SPAG16: variants seen among roughly 807,000 people sequenced by gnomAD.
The protein encoded by SPAG16 is sperm associated antigen 16, also known as sperm-associated antigen 16 protein.
A neutral mutation model predicts 80.4 loss-of-function variants in SPAG16; 86 were observed. The observed-to-expected ratio is 1.07, with a 90% CI of 0.90 to 1.28. The LOEUF is 1.28. SPAG16 is among the 50% of genes most tolerant of loss of function. The pLI, the probability that SPAG16 is intolerant of heterozygous loss-of-function variation, is 0.00. For missense variants in SPAG16, 870 were observed against 765.3 expected, an observed-to-expected ratio of 1.14 and a Z score of -1.61; for synonymous variants, 294 against 265.9, an observed-to-expected ratio of 1.11 and a Z score of -1.03.
At chr2:213,916,951 A>G (rs1179110772) in intron 11 of SPAG16, among the ~76,000 whole-genome samples, 1 of 152,108 alleles carries the variant, frequency 6.6e-6, no homozygotes, top group Non-Finnish European at 1.5e-5. Flanking sequence ...CCTTTAATCC[A>G]CCTTGAGTTT....
At chr2:213,976,135 T>TATATATATATATACACAC (rs749957411) in intron 12 of SPAG16, among the ~76,000 whole-genome samples, 7 of 81,406 alleles carry the variant, frequency 8.6e-5, no homozygotes, top group Non-Finnish European at 1.9e-4. Context: ...TATATATATA[T>TATATATATATATACACAC]ACACACACAC....
chr2:213,934,037 T>C (rs1287393293), intron 12 of SPAG16, among the ~76,000 whole-genome samples: 1 of 151,978 alleles, frequency 6.6e-6, no homozygotes. Flanking sequence ...ATAGCACCAA[T>C]CTCAATATGG....
At chr2:214,350,472 C>CA (rs1284590417) in intron 15 of SPAG16, among the ~76,000 whole-genome samples, 3 of 152,140 alleles carry the variant, frequency 2.0e-5, no homozygotes, top group Non-Finnish European at 4.4e-5. Context: ...TTTAAAGAAC[C>CA]ATCTTGAGTA....
intron 15 of SPAG16, among the ~76,000 whole-genome samples, chr2:214,366,484 T>G (rs2126079957): frequency 6.6e-6 from 1 of 152,298 alleles, no homozygotes. Context: ...CAGTGTAAAG[T>G]GATGGTTTAA....
chr2:213,914,264 C>T (rs1273369531), intron 11 of SPAG16, among the ~76,000 whole-genome samples: 2 of 151,922 alleles, frequency 1.3e-5, no homozygotes, highest in African/African-American at 4.8e-5. Flanking sequence ...GTTAACTAAA[C>T]ATTTTAATGC....
chr2:214,069,759 A>G (rs978339991), intron 13 of SPAG16, among the ~76,000 whole-genome samples: 3 of 151,938 alleles, frequency 2.0e-5, no homozygotes, highest in East Asian at 1.9e-4. Context: ...ATCTACTCAT[A>G]TATACTGAAG....
intron 12 of SPAG16, among the ~76,000 whole-genome samples, chr2:213,971,638 A>C (rs2045063840): frequency 6.6e-6 from 1 of 152,174 alleles, no homozygotes; most frequent in African/African-American, 2.4e-5. Flanking sequence ...TGTTCCTTAA[A>C]AAGTTAAGCA....
At chr2:214,081,987 G>C (rs978020939) in intron 13 of SPAG16, among the ~76,000 whole-genome samples, 2 of 152,122 alleles carry the variant, frequency 1.3e-5, no homozygotes, top group African/African-American at 4.8e-5. Flanking sequence ...ACTTCCTTCT[G>C]ATTCCACATC....
rs60768952 is a variant in SPAG16 at position 213,733,499 on chromosome 2, ATTT to A, written c.1071-128968_1071-128966del. 6.8e-3 allele frequency among the ~76,000 whole-genome samples: 834 copies of A among 123,166 alleles called. 1 individual carries two copies. The highest frequency in any genetic ancestry group is 0.039 in the East Asian group (164 of 4,198). 80.8% of individuals were successfully genotyped at this position (123,166 alleles called of 152,430 possible). A position where few individuals can be genotyped will look rare whatever the true frequency, so the allele number is the denominator to read the frequency against. On this transcript the variant is annotated intron_variant, in intron 10 of 15. Transcript: ENST00000331683. ...TTTCTTCTGCCAGAGTTATGAAGGG[ATTT>A]TTTTTTTTTTTTTTTTTGGTGTGTG...
chr2:213,850,369 C>T (rs1000218394), intron 10 of SPAG16, among the ~76,000 whole-genome samples: 7 of 152,098 alleles, frequency 4.6e-5, no homozygotes, highest in Admixed American at 1.3e-4. Flanking sequence ...TTTTACATGA[C>T]ACAGAAAACT....
chr2:214,117,399 C>A (rs1039482555), intron 14 of SPAG16, among the ~76,000 whole-genome samples: 1 of 152,154 alleles, frequency 6.6e-6, no homozygotes, highest in African/African-American at 2.4e-5. Context: ...GTAGGCTTCA[C>A]TGCTGAATTC....
At chr2:213,642,126 T>C (rs1241150365) in intron 10 of SPAG16, among the ~76,000 whole-genome samples, 2 of 152,152 alleles carry the variant, frequency 1.3e-5, no homozygotes, top group Non-Finnish European at 1.5e-5. Flanking sequence ...AGTGAGGATG[T>C]GTGTTTGGGG....
chr2:214,035,885 C>T (rs1022227718), intron 13 of SPAG16, among the ~76,000 whole-genome samples: 2 of 152,166 alleles, frequency 1.3e-5, no homozygotes, highest in African/African-American at 4.8e-5. Flanking sequence ...TTCCCAGATC[C>T]TGCCAGCTCC....
intron 10 of SPAG16, among the ~76,000 whole-genome samples, chr2:213,623,811 G>T (rs913337231): frequency 2.6e-5 from 4 of 151,916 alleles, no homozygotes; most frequent in Non-Finnish European, 5.9e-5. Context: ...AAACACCAAT[G>T]AATCCTCCTT....
intron 15 of SPAG16, among the ~76,000 whole-genome samples, chr2:214,216,859 G>A (rs1382349798): frequency 1.3e-5 from 2 of 152,146 alleles, no homozygotes; most frequent in Admixed American, 1.3e-4. Flanking sequence ...TCTTTCATTG[G>A]AGGCAGGTAT....
chr2:213,685,951 G>C (rs2064644564), intron 10 of SPAG16, among the ~76,000 whole-genome samples: 1 of 152,112 alleles, frequency 6.6e-6, no homozygotes, highest in South Asian at 2.1e-4. Flanking sequence ...TTGAGGAGTA[G>C]TTGGCATGTA....
intron 10 of SPAG16, among the ~76,000 whole-genome samples, chr2:213,583,454 C>G (rs1429769469): frequency 6.6e-6 from 1 of 152,166 alleles, no homozygotes; most frequent in Non-Finnish European, 1.5e-5. Context: ...TGTTAACTAG[C>G]TTGACCTTCT....
chr2:213,919,912 G>T (rs1019415750), intron 11 of SPAG16, among the ~76,000 whole-genome samples: 7 of 152,244 alleles, frequency 4.6e-5, no homozygotes, highest in Middle Eastern at 3.4e-3. Flanking sequence ...CTATTATTTT[G>T]TAGGAGTCTA....
At chr2:214,317,950 T>C (rs1415951533) in intron 15 of SPAG16, among the ~76,000 whole-genome samples, 1 of 152,246 alleles carries the variant, frequency 6.6e-6, no homozygotes, top group Non-Finnish European at 1.5e-5. Flanking sequence ...CCTTCAAGTA[T>C]CTTGACAAAA....
Sources: allele counts gnomAD v4.1 joint callset (sites outside exome capture counted in the v4.1 genomes callset), GRCh38; gene constraint gnomAD v4.1.1; transcripts MANE v1.5; gene names NCBI Gene and HGNC (gene_info 2026-07-23, HGNC 2026-07-21).